The following FAM136A variants were observed in gnomAD, a reference collection of about 807,000 sequenced individuals.
FAM136A encodes TIM double twin CX3C motif chaperone.
Under a neutral mutation model 21.6 loss-of-function variants are expected in FAM136A, and 25 were observed. The observed-to-expected ratio is 1.16, with a 90% confidence interval of 0.84 to 1.62. The LOEUF (loss-of-function observed/expected upper bound fraction) is 1.62. FAM136A is among the 40% of genes most tolerant of loss of function. The pLI is 0.00. For missense variants in FAM136A, 338 were observed against 332.0 expected, an observed-to-expected ratio of 1.02 and a Z score of -0.14; for synonymous variants, 119 against 129.4, an observed-to-expected ratio of 0.92 and a Z score of 0.55.
intron 2 of FAM136A, among the ~76,000 whole-genome samples, chr2:70,298,096 CTT>C (rs111506822): frequency 1.4e-5 from 2 of 144,424 alleles, no homozygotes; most frequent in Admixed American, 7.0e-5. Flanking sequence ...CATCTTGATT[CTT>C]TTTTTTTTTT....
intron 2 of FAM136A, chr2:70,300,493 AT>A: frequency 6.2e-6 from 1 of 161,310 alleles, no homozygotes. Context: ...CGCCTGGCTA[AT>A]TTTTTGTATT....
At chr2:70,301,213 G>C (rs1270784049) in intron 1 of FAM136A, 4 of 794,768 alleles carry the variant, frequency 5.0e-6, no homozygotes, top group Admixed American at 2.9e-5. Flanking sequence ...ATCGGCACCT[G>C]TTGCACCGAT....
In FAM136A at chr2:70,297,409, C is replaced by T. The variant is rs1405834963; in HGVS notation, c.618G>A (p.Lys206=). The T allele has an allele frequency of 1.2e-6, 2 of 1,614,030 alleles. No homozygotes were observed. The highest frequency in any genetic ancestry group is 1.7e-4 in the Middle Eastern group (1 of 6,058). Residue 206 remains lysine (K), a synonymous_variant, in exon 3 of 3, where the codon AAG becomes AAA. Transcript: ENST00000430566. ...KAKDSIDAGS[K]ELQVKQQLDS... ...CCAGCTGCTGCTTCACCTGAAGCTC[C>T]TTACTCCCAGCATCTATTGAATCTT...
chr2:70,296,946 C>T lies in FAM136A; in HGVS notation c.*343G>A, dbSNP rs184732776. The T allele has an allele frequency of 1.3e-3, 241 of 180,872 alleles. No individual in the cohort carries two copies. Among genetic ancestry groups the T allele is most frequent in the Admixed American group, 3.3e-3 (58 of 17,416 alleles). The allele number at this position is 180,872 out of a possible 1,614,324, so 11.2% of individuals were successfully genotyped here. A position where few individuals can be genotyped will look rare whatever the true frequency, so the allele number is the denominator to read the frequency against. Reference sequence around the variant, plus strand: ...ACTCCACCAACTCTAACCTGCCAGCCTGTTAGTACCTGTGTAGTAAGAAGA... The same window carrying T: ...ACTCCACCAACTCTAACCTGCCAGCTTGTTAGTACCTGTGTAGTAAGAAGA... On this transcript the variant is annotated 3_prime_UTR_variant, in exon 3 of 3. Coordinates refer to ENST00000430566, the MANE Select transcript of FAM136A (RefSeq NM_001329752.2).
In FAM136A at chr2:70,301,990, G is replaced by A. The variant is rs1262740608; in HGVS notation, c.22C>T (p.Arg8Trp). ...ATGGACTCCACCGCCTCCTGCACCC[G>A]GAGCTGCTGCAGCTCAGCCATGGCG... MAELQQLRVQEAVESMVK... is the reference protein window; with the variant it reads MAELQQLWVQEAVESMVK... Residue 8 changes from arginine to tryptophan, a missense_variant, in exon 1 of 3, where the codon CGG (arginine) becomes TGG (tryptophan). Transcript: ENST00000430566. 5 of 1,604,278 alleles carry A rather than the reference G, an allele frequency of 3.1e-6. No individual in the cohort carries two copies. The highest frequency in any genetic ancestry group is 4.2e-6 in the Non-Finnish European group (5 of 1,176,848).
chr2:70,300,814 A>G (rs1697374363), intron 2 of FAM136A, 26 bp downstream of exon 2: 1 of 1,582,860 alleles, frequency 6.3e-7, no homozygotes, highest in Admixed American at 1.7e-5. Flanking sequence ...CAAGGACTAC[A>G]GTGCTCTGTC....
At chr2:70,299,096 G>A (rs563477350) in intron 2 of FAM136A, among the ~76,000 whole-genome samples, 1 of 152,348 alleles carries the variant, frequency 6.6e-6, no homozygotes, top group South Asian at 2.1e-4. Flanking sequence ...ACCCTTTGGG[G>A]TTCCATGATC....
chr2:70,297,523 C>T (rs2104935950), intron 2 of FAM136A, 46 bp from the exon 3 acceptor site: 1 of 1,430,730 alleles, frequency 7.0e-7, no homozygotes. Context: ...AGTAAGGCCT[C>T]CATTTACTGC....
intron 2 of FAM136A, among the ~76,000 whole-genome samples, chr2:70,299,250 C>T (rs1459239716): frequency 2.6e-5 from 4 of 152,134 alleles, no homozygotes; most frequent in Non-Finnish European, 4.4e-5. Flanking sequence ...GGCTTGCTTC[C>T]CCCAGGTTCC....
rs773199872 is a variant in FAM136A, at chr2:70,302,054, T to C, written c.-43A>G. The C allele has an allele frequency of 1.1e-5, 17 of 1,535,518 alleles. No individual in the cohort carries two copies. The East Asian group carries it at 3.0e-4, about 27-fold the overall frequency. On this transcript the variant is annotated 5_prime_UTR_variant, in exon 1 of 3. The change creates a new upstream start codon in the 5' untranslated region. Transcript: ENST00000430566. ...CCGCGGCGCTCCGCGCCGGCGCCCA[T>C]ATGGAATCGGCGTACGGGCCCGCCC...
chr2:70,301,517 A>C lies in FAM136A; in HGVS notation c.408+87T>G, dbSNP rs988124719. The C allele has an allele frequency of 3.3e-6, 5 of 1,535,904 alleles. No homozygotes were observed. In the African/African-American group the frequency reaches 6.8e-5, roughly 21 times the overall value. ...GAGGTTGGGCGCAAGAGAAGCAGGC[A>C]TGACCTGGCCAACGGGGAGGCCGGA... On this transcript the variant is annotated intron_variant, in intron 1 of 2. Transcript: ENST00000430566.
At position 70,301,938 on chromosome 2, in the gene FAM136A, A is replaced by G; in HGVS notation, c.74T>C (p.Ile25Thr). 1 of 1,608,962 alleles carries G rather than the reference A, an allele frequency of 6.2e-7. No homozygotes were observed. Among genetic ancestry groups the G allele is most frequent in the Non-Finnish European group, 8.5e-7 (1 of 1,178,750 alleles). The change falls in exon 1 of 3, where the codon ATC becomes ACC. Residue 25 changes from isoleucine (I) to threonine (T), a missense_variant. Physicochemically the swap from Ile to Thr is moderately conservative, Grantham distance 89. Transcript: ENST00000430566. ...CAGCCCCGCTACCTGCATCTTCCGG[A>G]TGTTCTCTCTTTCCAGACTCTTCAC... ...SMVKSLEREN[I>T]RKMQVAGLGP...
intron 1 of FAM136A, 29 bp from the exon 2 acceptor site, chr2:70,301,009 A>G: frequency 6.3e-7 from 1 of 1,594,526 alleles, no homozygotes; most frequent in Non-Finnish European, 8.6e-7. Context: ...GAGGTTAGGT[A>G]GGAAAGTCTC....
Position 70,297,274 on chromosome 2 carries a change from C to T in FAM136A, c.*15G>A, listed in dbSNP as rs753999154. On this transcript the variant is annotated 3_prime_UTR_variant, in exon 3 of 3. Transcript: ENST00000430566. ...TATTCTTGCCCTCAGCCCTGATGGC[C>T]ACTGGCAAATACTTTTATTTTCCAA... 6.2e-7 allele frequency: 1 copy of T among 1,608,336 alleles called. No homozygotes were observed. Among genetic ancestry groups the T allele is most frequent in the Non-Finnish European group, 8.5e-7 (1 of 1,175,428 alleles).
At chr2:70,297,850 A>G (rs111667639) in intron 2 of FAM136A, among the ~76,000 whole-genome samples, 3,222 of 151,874 alleles carry the variant, frequency 0.021, 122 homozygotes, top group African/African-American at 0.073. Flanking sequence ...TATGTTGCCC[A>G]GGCTGGTCTT....
rs2104942617 is a variant in FAM136A, at chr2:70,301,602, A to G, written c.408+2T>C. The G allele has an allele frequency of 6.5e-7, 1 of 1,535,982 alleles. No homozygotes were observed. Among genetic ancestry groups the G allele is most frequent in the East Asian group, 2.4e-5 (1 of 40,912 alleles). ...GCCTCTGCTGGGCCTCGGGCCGCTC[A>G]CCTGCGGAAGGGGCCGCGTAAGAGG... On this transcript the variant is annotated splice_donor_variant, in intron 1 of 2. Transcript: ENST00000430566. LOFTEE classifies it high-confidence loss of function.
Position 70,302,042 on chromosome 2 carries a change from C to T in FAM136A, c.-31G>A. 2 of 1,550,014 alleles carry T rather than the reference C, an allele frequency of 1.3e-6. No homozygotes were observed. The highest frequency in any genetic ancestry group is 2.4e-5 in the East Asian group (1 of 41,030). On this transcript the variant is annotated 5_prime_UTR_variant, in exon 1 of 3. Transcript: ENST00000430566. ...CCCCGCGCTGCCCCGCGGCGCTCCG[C>T]GCCGGCGCCCATATGGAATCGGCGT...
chr2:70,298,250 G>A (rs1697307249), intron 2 of FAM136A, among the ~76,000 whole-genome samples: 1 of 152,056 alleles, frequency 6.6e-6, no homozygotes, highest in African/African-American at 2.4e-5. Context: ...GCGCCACCAT[G>A]CCTGGCTAAC....
In FAM136A at chr2:70,296,452, T is replaced by C. The variant is rs1387198756; in HGVS notation, c.*837A>G. On this transcript the variant is annotated 3_prime_UTR_variant, in exon 3 of 3. Coordinates refer to ENST00000430566, the MANE Select transcript of FAM136A (RefSeq NM_001329752.2). Reference sequence around the variant, plus strand: ...TTTACTGTTCATTCCTAGATACTAGTATATATCACAATCAAAACCCCCTTC... The same window carrying C: ...TTTACTGTTCATTCCTAGATACTAGCATATATCACAATCAAAACCCCCTTC... 5.9e-6 allele frequency: 1 copy of C among 169,240 alleles called. No homozygotes were observed. The highest frequency in any genetic ancestry group is 1.5e-4 in the East Asian group (1 of 6,542). 10.5% of individuals were successfully genotyped at this position (169,240 alleles called of 1,614,324 possible). A position where few individuals can be genotyped will look rare whatever the true frequency, so the allele number is the denominator to read the frequency against.
Sources: gnomAD v4.1 joint callset for allele counts (sites outside exome capture counted in the v4.1 genomes callset) on GRCh38, gnomAD v4.1.1 for gene constraint, MANE v1.5 for transcripts, NCBI Gene and HGNC (gene_info 2026-07-23, HGNC 2026-07-21) for gene names.